TMEM131: variants seen among roughly 807,000 people sequenced by gnomAD.
TMEM131 encodes 2610524E03Rik.
TMEM131 carries 66 observed loss-of-function variants against 211.6 expected under a neutral mutation model. That is an observed-to-expected ratio of 0.31 (90% CI 0.26 to 0.38). The LOEUF is 0.38. TMEM131 is among the 10% of genes least tolerant of loss of function. The pLI is 1.00. For missense variants in TMEM131, 2,036 were observed against 2,299.3 expected (o/e 0.89, Z 2.34); for synonymous variants, 844 against 841.3 (o/e 1.00, Z -0.06).
rs138845459 is a variant in TMEM131, at chr2:97,975,656, C to T, written c.187+19820G>A. ...AATCCCCATAAAGTAAACTCCAAGCCTAGATGGCTTCAATGGTAATTCTTA... is the reference window on the plus strand; with the variant it reads ...AATCCCCATAAAGTAAACTCCAAGCTTAGATGGCTTCAATGGTAATTCTTA... On this transcript the variant is annotated intron_variant, in intron 1 of 40. Transcript: ENST00000186436. Among the ~76,000 whole-genome samples the T allele has an allele frequency of 1.6e-4, 24 of 152,102 alleles. No individual in the cohort carries two copies. The East Asian group carries it at 4.1e-3, about 26-fold the overall frequency.
intron 1 of TMEM131, among the ~76,000 whole-genome samples, chr2:97,976,959 G>GAAA (rs1559486200): frequency 2.3e-5 from 1 of 43,626 alleles, no homozygotes; most frequent in Non-Finnish European, 5.8e-5. Flanking sequence ...TTATTTATAT[G>GAAA]CAAAAAAAAA....
At chr2:97,925,146 A>T (rs558663616) in intron 2 of TMEM131, among the ~76,000 whole-genome samples, 2 of 152,328 alleles carry the variant, frequency 1.3e-5, no homozygotes, top group South Asian at 4.1e-4. Flanking sequence ...TGTTGGGATT[A>T]CAGGCGTGAA....
At chr2:97,766,866 T>C (rs1029160003) in intron 33 of TMEM131, among the ~76,000 whole-genome samples, 1 of 152,166 alleles carries the variant, frequency 6.6e-6, no homozygotes, top group Non-Finnish European at 1.5e-5. Flanking sequence ...CATTATTTAA[T>C]AATACGTAAC....
chr2:97,798,907 CAT>C (rs990395692), intron 25 of TMEM131, among the ~76,000 whole-genome samples: 1 of 152,116 alleles, frequency 6.6e-6, no homozygotes, highest in Non-Finnish European at 1.5e-5. Flanking sequence ...ATGTACTATA[CAT>C]ATATTCCCAG....
intron 11 of TMEM131, chr2:97,827,663 T>C (rs1682466926): frequency 1.1e-6 from 1 of 921,960 alleles, no homozygotes; most frequent in South Asian, 1.4e-5. Context: ...TCTAGAAACA[T>C]TTTTAAGAAG....
intron 1 of TMEM131, among the ~76,000 whole-genome samples, chr2:97,992,153 A>G (rs1680296270): frequency 6.6e-6 from 1 of 152,226 alleles, no homozygotes; most frequent in South Asian, 2.1e-4. Context: ...TCTTAAGAAA[A>G]TCACTTTCAA....
At chr2:97,894,698 G>A (rs891043423) in intron 3 of TMEM131, among the ~76,000 whole-genome samples, 7 of 152,062 alleles carry the variant, frequency 4.6e-5, no homozygotes, top group African/African-American at 7.2e-5. Flanking sequence ...GTATAGGAAC[G>A]CTTGTGATTT....
At chr2:97,923,177 G>A (rs894925522) in intron 2 of TMEM131, among the ~76,000 whole-genome samples, 4 of 152,142 alleles carry the variant, frequency 2.6e-5, no homozygotes, top group Non-Finnish European at 5.9e-5. Context: ...TAATCCTGGT[G>A]GCTGAGGCAA....
intron 1 of TMEM131, among the ~76,000 whole-genome samples, chr2:97,949,033 G>A (rs1370995589): frequency 2.0e-5 from 3 of 152,284 alleles, no homozygotes; most frequent in East Asian, 1.9e-4. Flanking sequence ...GAAATGAAAC[G>A]TATGTGTGAA....
At position 97,796,099 on chromosome 2, in the gene TMEM131, GA is replaced by G. The variant is rs140197878; in HGVS notation, c.3200+118del. On this transcript the variant is annotated intron_variant, in intron 28 of 40. Coordinates refer to ENST00000186436, the MANE Select transcript of TMEM131 (RefSeq NM_015348.2). ...GAAATACCTTAGCCAAAGATTAAGT[GA>G]AAAAAAAACAAATGAATGCATTTGT... The G allele has an allele frequency of 7.1e-5, 41 of 574,928 alleles. 1 individual carries two copies. The highest frequency in any genetic ancestry group is 3.8e-4 in the East Asian group (11 of 28,634). The allele number at this position is 574,928 out of a possible 1,614,324, so 35.6% of individuals were successfully genotyped here.
chr2:97,778,040 CATATAA>C (rs1459103266), intron 31 of TMEM131, among the ~76,000 whole-genome samples: 21 of 152,160 alleles, frequency 1.4e-4, no homozygotes, highest in Non-Finnish European at 1.8e-4. Flanking sequence ...ATCAGTTCCC[CATATAA>C]TAAACTTCTC....
intron 31 of TMEM131, among the ~76,000 whole-genome samples, chr2:97,790,712 C>A (rs1680463768): frequency 1.3e-5 from 2 of 152,148 alleles, no homozygotes; most frequent in African/African-American, 4.8e-5. Flanking sequence ...CGCTATGTAA[C>A]TTGATCTAAT....
intron 5 of TMEM131, among the ~76,000 whole-genome samples, chr2:97,849,769 C>T (rs1298980773): frequency 5.0e-5 from 6 of 120,372 alleles, no homozygotes; most frequent in African/African-American, 2.0e-4. Flanking sequence ...ACGAGGGTTG[C>T]GGATTCACTC....
chr2:97,988,819 T>G (rs190978665), intron 1 of TMEM131, among the ~76,000 whole-genome samples: 7 of 152,256 alleles, frequency 4.6e-5, no homozygotes, highest in Admixed American at 3.9e-4. Flanking sequence ...CACGGGATTC[T>G]GAGATTATGC....
chr2:97,767,041 A>G (rs1424826664), intron 33 of TMEM131, among the ~76,000 whole-genome samples: 1 of 152,166 alleles, frequency 6.6e-6, no homozygotes, highest in Non-Finnish European at 1.5e-5. Flanking sequence ...TCTCACATCT[A>G]TAACATTAGA....
At chr2:97,782,487 T>C (rs2104845137) in intron 31 of TMEM131, among the ~76,000 whole-genome samples, 1 of 152,130 alleles carries the variant, frequency 6.6e-6, no homozygotes, top group African/African-American at 2.4e-5. Context: ...ATTTCTCAAA[T>C]CAAATGAAAA....
intron 11 of TMEM131, among the ~76,000 whole-genome samples, chr2:97,823,212 G>A (rs1483802554): frequency 6.6e-6 from 1 of 151,948 alleles, no homozygotes; most frequent in Non-Finnish European, 1.5e-5. Context: ...CCCCCACCCA[G>A]AAGGAAACAA....
At chr2:97,863,843 C>T (rs1176895051) in intron 4 of TMEM131, among the ~76,000 whole-genome samples, 2 of 152,106 alleles carry the variant, frequency 1.3e-5, no homozygotes, top group African/African-American at 2.4e-5. Context: ...AGAAGTAGAG[C>T]TACCATACAA....
At chr2:97,761,539 C>T (rs1678851584) in intron 36 of TMEM131, 1 of 158,968 alleles carries the variant, frequency 6.3e-6, no homozygotes, top group Non-Finnish European at 1.4e-5. Context: ...ATGCTTCCTG[C>T]ATCCTGTCTG....
Sources: allele counts gnomAD v4.1 joint callset (sites outside exome capture counted in the v4.1 genomes callset), GRCh38; gene constraint gnomAD v4.1.1; transcripts MANE v1.5; gene names NCBI Gene and HGNC (gene_info 2026-07-23, HGNC 2026-07-21).